Variants in TFCP2 observed in about 807,000 individuals in gnomAD.
TFCP2 encodes transcription factor CP2.
In TFCP2, 33 loss-of-function variants were observed where a neutral mutation model predicts 73.4. The ratio of observed to expected loss-of-function variants is 0.45; its 90% CI spans 0.34 to 0.60. The LOEUF (loss-of-function observed/expected upper bound fraction) is 0.60. Ranked by LOEUF, TFCP2 falls within the 20% of genes least tolerant of loss-of-function variation. TFCP2 has a pLI of 0.01. For synonymous variants in TFCP2, 193 were observed against 211.6 expected (o/e 0.91, Z 0.76); for missense variants, 352 against 604.0 (o/e 0.58, Z 4.37).
At chr12:51,110,279 C>T (rs1940365379) in intron 5 of TFCP2, among the ~76,000 whole-genome samples, 1 of 151,864 alleles carries the variant, frequency 6.6e-6, no homozygotes, top group Non-Finnish European at 1.5e-5. Context: ...AAAAATCAGG[C>T]CAATCAAGGC....
intron 1 of TFCP2, among the ~76,000 whole-genome samples, chr12:51,129,051 A>T (rs1300954027): frequency 2.6e-5 from 4 of 151,008 alleles, no homozygotes; most frequent in Non-Finnish European, 5.9e-5. Context: ...CTAGGCTTTT[A>T]AAAAAGTCTA....
chr12:51,141,592 T>C (rs1941191950), intron 1 of TFCP2, among the ~76,000 whole-genome samples: 1 of 151,988 alleles, frequency 6.6e-6, no homozygotes, highest in Non-Finnish European at 1.5e-5. Context: ...AATAAGAATA[T>C]GCCCATATAA....
intron 1 of TFCP2, among the ~76,000 whole-genome samples, chr12:51,161,385 A>C (rs1187181478): frequency 1.3e-5 from 2 of 152,040 alleles, no homozygotes; most frequent in Non-Finnish European, 2.9e-5. Flanking sequence ...TCACAGGAAA[A>C]AAAAAAAGAA....
At chr12:51,136,918 C>G (rs566775689) in intron 1 of TFCP2, among the ~76,000 whole-genome samples, 1 of 151,984 alleles carries the variant, frequency 6.6e-6, no homozygotes, top group Non-Finnish European at 1.5e-5. Flanking sequence ...GCATTTCAGC[C>G]CGGACGACAG....
At chr12:51,141,779 G>A (rs796135228) in intron 1 of TFCP2, among the ~76,000 whole-genome samples, 11 of 151,350 alleles carry the variant, frequency 7.3e-5, no homozygotes, top group African/African-American at 1.7e-4. Flanking sequence ...GGTGGCGCAC[G>A]CCTGTAATCA....
At chr12:51,152,542 G>C (rs2640523) in intron 1 of TFCP2, among the ~76,000 whole-genome samples, 89,831 of 152,032 alleles carry the variant, frequency 0.59, 27,372 homozygotes, top group Non-Finnish European at 0.68. Flanking sequence ...TTATGTAAGA[G>C]AATTTGTTTT....
chr12:51,160,644 T>G (rs1452542648), intron 1 of TFCP2, among the ~76,000 whole-genome samples: 3 of 151,978 alleles, frequency 2.0e-5, no homozygotes, highest in African/African-American at 7.3e-5. Flanking sequence ...GATGACAGAG[T>G]AGGAACTTCA....
At chr12:51,134,685 A>AGTTT in intron 1 of TFCP2, among the ~76,000 whole-genome samples, 3 of 152,364 alleles carry the variant, frequency 2.0e-5, no homozygotes, top group Middle Eastern at 6.8e-3. Flanking sequence ...ACTTTGTACC[A>AGTTT]ATTAAATCAA....
At chr12:51,109,666 G>C (rs1046685599) in intron 5 of TFCP2, among the ~76,000 whole-genome samples, 3 of 151,672 alleles carry the variant, frequency 2.0e-5, no homozygotes, top group African/African-American at 7.3e-5. Context: ...CACAGCAATA[G>C]TGGAGAAAAA....
chr12:51,148,076 C>T (rs982678008), intron 1 of TFCP2, among the ~76,000 whole-genome samples: 1 of 152,014 alleles, frequency 6.6e-6, no homozygotes, highest in Non-Finnish European at 1.5e-5. Context: ...AAATCAAAAC[C>T]TCCATGCAAT....
At chr12:51,151,504 TC>T (rs1941424766) in intron 1 of TFCP2, among the ~76,000 whole-genome samples, 1 of 151,992 alleles carries the variant, frequency 6.6e-6, no homozygotes, top group African/African-American at 2.4e-5. Flanking sequence ...TGGCGCGATC[TC>T]GGCTCACTGC....
At chr12:51,134,217 C>T (rs2137006801) in intron 1 of TFCP2, among the ~76,000 whole-genome samples, 1 of 152,284 alleles carries the variant, frequency 6.6e-6, no homozygotes, top group Admixed American at 6.5e-5. Context: ...TACACACATA[C>T]ATATGTTTGT....
chr12:51,104,315 GCT>G, intron 8 of TFCP2, 112 bp from the exon 9 acceptor site: 1 of 880,470 alleles, frequency 1.1e-6, no homozygotes, highest in Non-Finnish European at 1.8e-6. Flanking sequence ...AAAAATCTGT[GCT>G]CTCTCATAAC....
intron 1 of TFCP2, among the ~76,000 whole-genome samples, chr12:51,120,999 A>C (rs1269800990): frequency 6.6e-6 from 1 of 151,468 alleles, no homozygotes; most frequent in Non-Finnish European, 1.5e-5. Flanking sequence ...TATTCTGTTT[A>C]CTTTGTATAT....
At chr12:51,136,341 G>A (rs184117965) in intron 1 of TFCP2, among the ~76,000 whole-genome samples, 1 of 151,162 alleles carries the variant, frequency 6.6e-6, no homozygotes, top group Admixed American at 6.6e-5. Flanking sequence ...AAGGTTCCCT[G>A]ACGGAGCATA....
At chr12:51,163,445 C>T (rs1254964214) in intron 1 of TFCP2, among the ~76,000 whole-genome samples, 1 of 152,082 alleles carries the variant, frequency 6.6e-6, no homozygotes, top group Non-Finnish European at 1.5e-5. Flanking sequence ...CAAAAATTAG[C>T]TGGGTGTGGT....
At position 51,115,829 on chromosome 12, in the gene TFCP2, G is replaced by A. The variant is rs146583732; in HGVS notation, c.457+486C>T. On this transcript the variant is annotated intron_variant, in intron 4 of 14. Coordinates refer to ENST00000257915, the MANE Select transcript of TFCP2 (RefSeq NM_005653.5). ...AATACTGTATGATTTCATTTATGCA[G>A]TACTTAGTAGTCCAATTCATAGAGA... is the stretch of plus-strand genomic sequence containing the variant. Among the ~76,000 whole-genome samples the A allele has an allele frequency of 2.4e-3, 368 of 152,314 alleles. 1 individual carries two copies. Among genetic ancestry groups the A allele is most frequent in the African/African-American group, 8.3e-3 (345 of 41,570 alleles).
chr12:51,141,103 A>ATT (rs3053456), intron 1 of TFCP2, among the ~76,000 whole-genome samples: 91,763 of 149,260 alleles, frequency 0.61, 28,734 homozygotes, highest in Non-Finnish European at 0.68. Context: ...TATTTTTTAC[A>ATT]TTTTTTTTGG....
In TFCP2 at chr12:51,117,826, T is replaced by G. The variant is rs76738922; in HGVS notation, c.275-79A>C. 3.9e-3 allele frequency: 3,483 copies of G among 901,702 alleles called. 13 individuals carry two copies. The highest frequency in any genetic ancestry group is 5.2e-3 in the Non-Finnish European group (2,974 of 573,818). The allele number at this position is 901,702 out of a possible 1,614,324, so 55.9% of individuals were successfully genotyped here. ...TTCGGAAAGAATAAAATTCAGTTGG[T>G]TGAATATACAACAGTATAATAATAT... On this transcript the variant is annotated intron_variant, in intron 2 of 14. Transcript: ENST00000257915.
Sources: gnomAD v4.1 joint callset for allele counts (sites outside exome capture counted in the v4.1 genomes callset) on GRCh38, gnomAD v4.1.1 for gene constraint, MANE v1.5 for transcripts, NCBI Gene and HGNC (gene_info 2026-07-23, HGNC 2026-07-21) for gene names.